The following LYRM7 variants were observed in gnomAD, a reference collection of about 807,000 sequenced individuals.
LYRM7 encodes LYR motif containing 7.
A neutral mutation model predicts 15.8 loss-of-function variants in LYRM7; 9 were observed. The observed-to-expected ratio is 0.57, with a 90% confidence interval of 0.34 to 0.99. LYRM7 has a LOEUF of 0.99. Ranked by LOEUF, LYRM7 falls within the 50% of genes least tolerant of loss-of-function variation. LYRM7 has a pLI of 0.02. For synonymous variants in LYRM7, 39 were observed against 39.4 expected, an observed-to-expected ratio of 0.99 and a Z score of 0.04; for missense variants, 115 against 119.1, an observed-to-expected ratio of 0.97 and a Z score of 0.16.
In LYRM7 at chr5:131,204,767, G is replaced by A. The variant is rs1756147418; in HGVS notation, c.*5166G>A. On this transcript the variant is annotated 3_prime_UTR_variant, in exon 5 of 5. Transcript: ENST00000379380. ...TTGTGTGTGTGTGTGTGTGTAAGCA[G>A]GTGTTGCTAGAAATTCACTTATATA... 2 of 150,278 alleles carry A rather than the reference G, an allele frequency of 1.3e-5. No homozygotes were observed. The highest frequency in any genetic ancestry group is 1.3e-4 in the Admixed American group (2 of 15,146). 9.3% of individuals were successfully genotyped at this position (150,278 alleles called of 1,614,324 possible).
Position 131,171,049 on chromosome 5 carries a change from C to G in LYRM7, c.18+11C>G. The G allele has an allele frequency of 1.3e-6, 2 of 1,527,450 alleles. No homozygotes were observed. Among genetic ancestry groups the G allele is most frequent in the Non-Finnish European group, 1.7e-6 (2 of 1,147,816 alleles). The allele number at this position is 1,527,450 out of a possible 1,614,324, so 94.6% of individuals were successfully genotyped here. On this transcript the variant is annotated intron_variant, in intron 1 of 4. Coordinates refer to ENST00000379380, the MANE Select transcript of LYRM7 (RefSeq NM_181705.4). ...GGACGGGCAGTCAAGGTGACAGGGC[C>G]CGGGAAGGGGTGGGTACGATGCCGT...
At chr5:131,181,068 A>G (rs1454177898) in intron 2 of LYRM7, among the ~76,000 whole-genome samples, 1 of 150,864 alleles carries the variant, frequency 6.6e-6, no homozygotes, top group Non-Finnish European at 1.5e-5. Flanking sequence ...AGGCAGGCAA[A>G]TTACTTGAGG....
chr5:131,198,588 A>C (rs1580701605), intron 4 of LYRM7, among the ~76,000 whole-genome samples: 1 of 151,794 alleles, frequency 6.6e-6, no homozygotes, highest in South Asian at 2.1e-4. Flanking sequence ...TTTGAGGTGG[A>C]CTGCCACTGT....
At chr5:131,177,906 G>GT (rs1490227315) in intron 1 of LYRM7, among the ~76,000 whole-genome samples, 2 of 151,810 alleles carry the variant, frequency 1.3e-5, no homozygotes, top group African/African-American at 4.8e-5. Context: ...CTCAATTTCT[G>GT]TTTCTGAACT....
At chr5:131,192,118 T>G (rs1436467617) in intron 4 of LYRM7, among the ~76,000 whole-genome samples, 1 of 151,558 alleles carries the variant, frequency 6.6e-6, no homozygotes, top group Admixed American at 6.6e-5. Flanking sequence ...AAGGAAATCT[T>G]GTCATTTGTG....
chr5:131,198,622 G>A lies in LYRM7; in HGVS notation c.245-909G>A, dbSNP rs192696649. Among the ~76,000 whole-genome samples, 292 of 152,050 alleles carry A rather than the reference G, an allele frequency of 1.9e-3. 1 individual carries two copies. Among genetic ancestry groups the A allele is most frequent in the African/African-American group, 6.8e-3 (281 of 41,456 alleles). ...GTGTCCCCCAGGCTGGAGTGCAGTGGCACCATCTCGGCTCACTCACTGCAA... is the reference window on the plus strand; with the variant it reads ...GTGTCCCCCAGGCTGGAGTGCAGTGACACCATCTCGGCTCACTCACTGCAA... On this transcript the variant is annotated intron_variant, in intron 4 of 4. Transcript: ENST00000379380.
At chr5:131,183,033 T>G (rs1422679783) in intron 3 of LYRM7, among the ~76,000 whole-genome samples, 1 of 152,122 alleles carries the variant, frequency 6.6e-6, no homozygotes, top group Non-Finnish European at 1.5e-5. Flanking sequence ...ATTGATATGG[T>G]TCCAAGAATT....
intron 3 of LYRM7, among the ~76,000 whole-genome samples, chr5:131,183,485 A>G (rs1019171634): frequency 6.6e-6 from 1 of 152,204 alleles, no homozygotes; most frequent in Non-Finnish European, 1.5e-5. Flanking sequence ...GTCTGTTTAT[A>G]TCAAGTAAAC....
intron 1 of LYRM7, among the ~76,000 whole-genome samples, chr5:131,177,385 T>C (rs1251300012): frequency 6.6e-6 from 1 of 152,194 alleles, no homozygotes; most frequent in African/African-American, 2.4e-5. Flanking sequence ...TTTCCTTATT[T>C]TGGTGGAGGA....
At chr5:131,197,635 G>A (rs957512623) in intron 4 of LYRM7, among the ~76,000 whole-genome samples, 1 of 138,872 alleles carries the variant, frequency 7.2e-6, no homozygotes, top group Non-Finnish European at 1.5e-5. Context: ...TCAAACTCCT[G>A]GGCTCAAGCA....
At chr5:131,192,522 T>A (rs529446712) in intron 4 of LYRM7, among the ~76,000 whole-genome samples, 1 of 152,346 alleles carries the variant, frequency 6.6e-6, no homozygotes, top group Admixed American at 6.5e-5. Context: ...ACTATCACTG[T>A]ACCCCTTAAA....
chr5:131,193,352 T>G lies in LYRM7; in HGVS notation c.245-6179T>G, dbSNP rs149126759. ...GCTGTGTAAAAGACAGGCAATTAAA[T>G]GTACAGCTACAGTTCTTGGAATGCC... On this transcript the variant is annotated intron_variant, in intron 4 of 4. Coordinates refer to ENST00000379380, the MANE Select transcript of LYRM7 (RefSeq NM_181705.4). Among the ~76,000 whole-genome samples, 443 of 152,340 alleles carry G rather than the reference T, an allele frequency of 2.9e-3. 3 individuals are homozygous for G. Among genetic ancestry groups the G allele is most frequent in the Non-Finnish European group, 5.1e-3 (350 of 68,026 alleles).
At position 131,203,144 on chromosome 5, in the gene LYRM7, G is replaced by A. The variant is rs1372112135; in HGVS notation, c.*3543G>A. The A allele has an allele frequency of 6.6e-6, 1 of 152,414 alleles. No individual in the cohort carries two copies. The highest frequency in any genetic ancestry group is 2.1e-4 in the South Asian group (1 of 4,830). 9.4% of individuals were successfully genotyped at this position (152,414 alleles called of 1,614,324 possible). ...CAAAGCCATAGGTCAACAAAGAAAT[G>A]AAGATTCCAGTTCTGAAGGTGAGTT... On this transcript the variant is annotated 3_prime_UTR_variant, in exon 5 of 5. Transcript: ENST00000379380.
At chr5:131,196,466 C>G (rs1210084992) in intron 4 of LYRM7, among the ~76,000 whole-genome samples, 1 of 152,030 alleles carries the variant, frequency 6.6e-6, no homozygotes, top group Non-Finnish European at 1.5e-5. Flanking sequence ...CATTGTTTTC[C>G]TGTTTAAAAG....
chr5:131,184,431 T>A (rs1358636166), intron 3 of LYRM7, among the ~76,000 whole-genome samples: 1 of 152,196 alleles, frequency 6.6e-6, no homozygotes, highest in Non-Finnish European at 1.5e-5. Flanking sequence ...GGTTTCAAAC[T>A]CCTGGCTTCA....
At chr5:131,196,084 A>G (rs1441069365) in intron 4 of LYRM7, among the ~76,000 whole-genome samples, 1 of 150,444 alleles carries the variant, frequency 6.6e-6, no homozygotes, top group African/African-American at 2.4e-5. Context: ...TTGCCTCTCC[A>G]GTATCTATTC....
intron 4 of LYRM7, among the ~76,000 whole-genome samples, chr5:131,197,448 G>A (rs1055014662): frequency 4.0e-5 from 6 of 151,348 alleles, no homozygotes; most frequent in Non-Finnish European, 7.4e-5. Flanking sequence ...TGGCTAATAA[G>A]AGCACTATTC....
In LYRM7 at chr5:131,199,686, C is replaced by A; in HGVS notation, c.*85C>A. 1.2e-6 allele frequency: 1 copy of A among 858,344 alleles called. No homozygotes were observed. Among genetic ancestry groups the A allele is most frequent in the Non-Finnish European group, 1.8e-6 (1 of 555,176 alleles). 53.2% of individuals were successfully genotyped at this position (858,344 alleles called of 1,614,324 possible). A position where few individuals can be genotyped will look rare whatever the true frequency, so the allele number is the denominator to read the frequency against. ...AAAGTCCTGGAAATGCAGACATTTT[C>A]CCTGAACTGGCATATTGAAAATGAA... On this transcript the variant is annotated 3_prime_UTR_variant, in exon 5 of 5. Transcript: ENST00000379380.
chr5:131,199,509 C>T (rs1166867135), intron 4 of LYRM7, 22 bp from the exon 5 acceptor site: 3 of 1,485,134 alleles, frequency 2.0e-6, no homozygotes, highest in South Asian at 2.6e-5. Context: ...GTTAATTATT[C>T]TCTTTTTTTT....
Sources: gnomAD v4.1 joint callset for allele counts (sites outside exome capture counted in the v4.1 genomes callset) on GRCh38, gnomAD v4.1.1 for gene constraint, MANE v1.5 for transcripts, NCBI Gene and HGNC (gene_info 2026-07-23, HGNC 2026-07-21) for gene names.